SEC23B: variants seen among roughly 807,000 people sequenced by gnomAD.
SEC23B encodes protein transport protein Sec23B.
SEC23B carries 77 observed loss-of-function variants against 104.3 expected under a neutral mutation model. The observed-to-expected ratio is 0.74, with a 90% CI of 0.61 to 0.89. The LOEUF (loss-of-function observed/expected upper bound fraction) is 0.89. SEC23B is among the 40% of genes least tolerant of loss of function. The probability of loss-of-function intolerance (pLI) is 0.00; values close to 1 mark genes in which losing one functional copy is unlikely to be tolerated. For synonymous variants in SEC23B, 338 were observed against 332.5 expected, an observed-to-expected ratio of 1.02 and a Z score of -0.18; for missense variants, 885 against 949.4, an observed-to-expected ratio of 0.93 and a Z score of 0.89.
intron 14 of SEC23B, among the ~76,000 whole-genome samples, chr20:18,543,586 G>A (rs1295644463): frequency 2.6e-5 from 4 of 152,136 alleles, no homozygotes; most frequent in Non-Finnish European, 4.4e-5. Flanking sequence ...AATTTAAATG[G>A]GGAAAGTCTT....
Position 18,512,287 on chromosome 20 carries a change from G to A in SEC23B, c.279+5G>A. On this transcript the variant is annotated splice_donor_5th_base_variant and intron_variant, in intron 3 of 19. Coordinates refer to ENST00000650089, the MANE Select transcript of SEC23B (RefSeq NM_006363.6). ...TTCTGTTTTCAAAGAAATCAGGTAT[G>A]TGAATTATTTTTAAAAAATGTTATA... is the stretch of plus-strand genomic sequence containing the variant. 3.2e-6 allele frequency: 5 copies of A among 1,545,398 alleles called. No homozygotes were observed. Among genetic ancestry groups the A allele is most frequent in the Non-Finnish European group, 4.5e-6 (5 of 1,121,290 alleles).
chr20:18,545,212 G>A (rs560950370), intron 14 of SEC23B, among the ~76,000 whole-genome samples: 1 of 152,238 alleles, frequency 6.6e-6, no homozygotes, highest in Admixed American at 6.5e-5. Flanking sequence ...TGGGAGGAGG[G>A]GGCCAAGAAC....
At chr20:18,516,770 G>T (rs888622714) in intron 4 of SEC23B, among the ~76,000 whole-genome samples, 3 of 151,794 alleles carry the variant, frequency 2.0e-5, no homozygotes, top group Middle Eastern at 3.2e-3. Context: ...AGCCAGGATG[G>T]TCTCGTTCTC....
intron 19 of SEC23B, among the ~76,000 whole-genome samples, chr20:18,558,067 T>G (rs552395909): frequency 3.9e-5 from 6 of 152,284 alleles, no homozygotes; most frequent in African/African-American, 1.4e-4. Flanking sequence ...TAACCATTCT[T>G]TTAGCATAGG....
intron 15 of SEC23B, among the ~76,000 whole-genome samples, chr20:18,548,261 TAA>T (rs58789388): frequency 5.3e-5 from 8 of 151,480 alleles, no homozygotes; most frequent in South Asian, 2.1e-4. Context: ...AAAGGCCCTT[TAA>T]AAAAAAAAAT....
intron 12 of SEC23B, among the ~76,000 whole-genome samples, chr20:18,537,721 A>G (rs1470915415): frequency 2.6e-5 from 4 of 152,134 alleles, no homozygotes; most frequent in Admixed American, 1.3e-4. Flanking sequence ...ATGTACCCTA[A>G]AACTTAAAGT....
At chr20:18,515,787 C>G (rs978900658) in intron 4 of SEC23B, 51 bp downstream of exon 4, 2 of 1,137,846 alleles carry the variant, frequency 1.8e-6, no homozygotes, top group African/African-American at 1.5e-5. Flanking sequence ...CTGAATTTCT[C>G]TTGAAATCCT....
At chr20:18,548,263 A>G (rs114642259) in intron 15 of SEC23B, among the ~76,000 whole-genome samples, 1 of 129,062 alleles carries the variant, frequency 7.7e-6, no homozygotes, top group Non-Finnish European at 1.7e-5. Flanking sequence ...AGGCCCTTTA[A>G]AAAAAAAAAT....
At chr20:18,538,662 A>G (rs2060259168) in intron 12 of SEC23B, among the ~76,000 whole-genome samples, 1 of 152,180 alleles carries the variant, frequency 6.6e-6, no homozygotes, top group Non-Finnish European at 1.5e-5. Flanking sequence ...TTTTACCCAC[A>G]GTAGAACTTC....
chr20:18,526,574 G>A, intron 8 of SEC23B, 43 bp downstream of exon 8: 1 of 1,607,688 alleles, frequency 6.2e-7, no homozygotes. Context: ...AAAGCCCATT[G>A]TCAGGTTTGG....
Position 18,524,571 on chromosome 20 carries a change from T to A in SEC23B, c.505T>A (p.Phe169Ile), listed in dbSNP as rs1049363596. The A allele has an allele frequency of 6.8e-6, 11 of 1,614,088 alleles. No homozygotes were observed. Among genetic ancestry groups the A allele is most frequent in the African/African-American group, 4.0e-5 (3 of 74,930 alleles). The part of the protein sequence containing the change: ...PPDALVGLIT[F>I]GRMVQVHELS... ...AGATGCTCTGGTGGGTCTGATCACA[T>A]TTGGAAGGATGGTGCAGGTTCATGA... The change falls in exon 5 of 20, where the codon TTT becomes ATT. Residue 169 changes from phenylalanine (F) to isoleucine (I), a missense_variant. Phe to Ile is a conservative substitution (Grantham distance 21, BLOSUM62 0). Transcript: ENST00000650089.
chr20:18,531,761 G>A (rs1401265531), intron 10 of SEC23B, among the ~76,000 whole-genome samples: 2 of 143,632 alleles, frequency 1.4e-5, no homozygotes, highest in Admixed American at 1.4e-4. Context: ...ATTAAAAGAG[G>A]GTGTTAGGCC....
intron 19 of SEC23B, among the ~76,000 whole-genome samples, chr20:18,559,079 G>A (rs549889233): frequency 3.1e-4 from 43 of 139,636 alleles, no homozygotes; most frequent in African/African-American, 1.2e-3. Flanking sequence ...AAGGTGGTTG[G>A]TGGGGGGGGT....
At chr20:18,559,077 TG>T (rs11481106) in intron 19 of SEC23B, among the ~76,000 whole-genome samples, 9 of 91,136 alleles carry the variant, frequency 9.9e-5, no homozygotes, top group African/African-American at 3.7e-4. Flanking sequence ...GGAAGGTGGT[TG>T]GTGGGGGGGG....
chr20:18,548,722 C>A lies in SEC23B; in HGVS notation c.1857C>A (p.Ile619=). 1 of 1,614,188 alleles carries A rather than the reference C, an allele frequency of 6.2e-7. No homozygotes were observed. Among genetic ancestry groups the A allele is most frequent in the African/African-American group, 1.3e-5 (1 of 75,040 alleles). ...FARQDLTQSL[I]MIQPILYSYS... The stretch of plus-strand genomic sequence containing the variant: ...GGCAGGACCTGACCCAGTCCCTCAT[C>A]ATGATCCAGCCCATTCTCTACTCTT... Residue 619 remains isoleucine (I), a synonymous_variant, in exon 16 of 20, where the codon ATC becomes ATA. Transcript: ENST00000650089.
At chr20:18,538,481 CTG>C (rs2060257653) in intron 12 of SEC23B, among the ~76,000 whole-genome samples, 1 of 151,970 alleles carries the variant, frequency 6.6e-6, no homozygotes, top group East Asian at 1.9e-4. Flanking sequence ...TCTCGATCTC[CTG>C]ACCTCGTGAT....
chr20:18,534,091 C>G (rs1193630427), intron 11 of SEC23B, among the ~76,000 whole-genome samples: 2 of 152,146 alleles, frequency 1.3e-5, no homozygotes, highest in Admixed American at 6.5e-5. Context: ...CATAATTGCT[C>G]TGTTGTCTTG....
intron 9 of SEC23B, 41 bp downstream of exon 9, chr20:18,527,652 T>G (rs758060427): frequency 1.1e-5 from 14 of 1,281,460 alleles, no homozygotes; most frequent in Non-Finnish European, 1.6e-5. Context: ...GACAGTGTTA[T>G]TTTAAGGAAA....
rs2060303115 is a variant in SEC23B at position 18,543,068 on chromosome 20, C to T, written c.1561C>T (p.Gln521Ter). 3.1e-6 allele frequency: 5 copies of T among 1,614,088 alleles called. No homozygotes were observed. Among genetic ancestry groups the T allele is most frequent in the Non-Finnish European group, 3.4e-6 (4 of 1,180,012 alleles). The change falls in exon 14 of 20, where the codon CAG becomes TAG. Residue 521 changes from glutamine to a stop codon, truncating the protein, a stop_gained. Coordinates refer to ENST00000650089, the MANE Select transcript of SEC23B (RefSeq NM_006363.6). LOFTEE classifies it high-confidence loss of function. ...CAGGCACATAGAAGCAGCATTTGACCAGGAGGCTGCGGCAGTGTTGATGGC... is the reference window on the plus strand; with the variant it reads ...CAGGCACATAGAAGCAGCATTTGACTAGGAGGCTGCGGCAGTGTTGATGGC... ...QLRHIEAAFD[Q>*]EAAAVLMARL...
Sources: allele counts gnomAD v4.1 joint callset (sites outside exome capture counted in the v4.1 genomes callset), GRCh38; gene constraint gnomAD v4.1.1; transcripts MANE v1.5; gene names NCBI Gene and HGNC (gene_info 2026-07-23, HGNC 2026-07-21).